Variants in NLRP6 observed in about 807,000 individuals in gnomAD.
NLRP6 encodes the protein NLR family pyrin domain containing 6.
Under a neutral mutation model 70.9 loss-of-function variants are expected in NLRP6, and 55 were observed. The ratio of observed to expected loss-of-function variants is 0.78; its 90% CI spans 0.62 to 0.97. The LOEUF is 0.97. Among genes scored for constraint, NLRP6 ranks in the 50% least tolerant of loss-of-function variants. The probability of loss-of-function intolerance (pLI) is 0.00; values close to 1 mark genes in which losing one functional copy is unlikely to be tolerated. For synonymous variants in NLRP6, 652 were observed against 581.9 expected (o/e 1.12, Z -1.73); for missense variants, 1,241 against 1,238.3 (o/e 1.00, Z -0.03).
chr11:282,859 G>GT, intron 5 of NLRP6, 62 bp downstream of exon 5: 1 of 1,214,632 alleles, frequency 8.2e-7, no homozygotes, highest in Non-Finnish European at 1.2e-6. Flanking sequence ...GCCCTGGGCA[G>GT]AGACGGAAGT....
At position 282,789 on chromosome 11, in the gene NLRP6, C is replaced by T; in HGVS notation, c.2190C>T (p.Ser730=). 1 of 1,611,708 alleles carries T rather than the reference C, an allele frequency of 6.2e-7. No homozygotes were observed. Among genetic ancestry groups the T allele is most frequent in the Non-Finnish European group, 8.5e-7 (1 of 1,177,850 alleles). The change falls in exon 5 of 8, where the codon AGC becomes AGT. Residue 730 remains serine (S), a synonymous_variant. Transcript: ENST00000534750. ...QAMTDPLCHL[S]SLTLSHCKLP... is the part of the protein sequence containing the mutation. ...TGACTGACCCACTGTGCCATCTGAG[C>T]AGCCTCACGTGAGTGGCCACACCCC...
intron 5 of NLRP6, among the ~76,000 whole-genome samples, chr11:283,290 T>C (rs924818597): frequency 6.6e-6 from 1 of 150,696 alleles, no homozygotes; most frequent in Non-Finnish European, 1.5e-5. Context: ...TGAGATTTAA[T>C]GTGGCTACAC....
At position 280,581 on chromosome 11, in the gene NLRP6, G is replaced by A; in HGVS notation, c.847G>A (p.Glu283Lys). 6.9e-7 allele frequency: 1 copy of A among 1,459,212 alleles called. No homozygotes were observed. Among genetic ancestry groups the A allele is most frequent in the Non-Finnish European group, 8.9e-7 (1 of 1,119,328 alleles). 90.4% of individuals were successfully genotyped at this position (1,459,212 alleles called of 1,614,324 possible). Reference sequence around the variant, plus strand: ...GCTCTTCATCCTGGACGGCGCGGACGAGCTGCCGGCGCTGGGGGGCCCCGA... The same window carrying A: ...GCTCTTCATCCTGGACGGCGCGGACAAGCTGCCGGCGCTGGGGGGCCCCGA... The part of the protein sequence containing the change: ...RLLFILDGAD[E>K]LPALGGPEAA... The change falls in exon 4 of 8, where the codon GAG becomes AAG. Residue 283 changes from glutamate (E) to lysine (K), a missense_variant. Physicochemically the swap from Glu to Lys is moderately conservative, Grantham distance 56 (BLOSUM62 1). Transcript: ENST00000534750.
Position 280,469 on chromosome 11 carries a change from C to A in NLRP6, c.735C>A (p.Gly245=). The change falls in exon 4 of 8, where the codon GGC becomes GGA. Residue 245 remains glycine (G), a synonymous_variant. Transcript: ENST00000534750. ...GCGGCGAGCTGCTGGAGAGGCCGGG[C>A]ACGCGCAGCCTGGCTGACCTGATCC... ...MPCGELLERP[G]TRSLADLILD... The A allele has an allele frequency of 6.9e-6, 11 of 1,591,880 alleles. No individual in the cohort carries two copies. Among genetic ancestry groups the A allele is most frequent in the Non-Finnish European group, 8.5e-6 (10 of 1,177,584 alleles).
At position 280,685 on chromosome 11, in the gene NLRP6, G is replaced by GTATT; in HGVS notation, c.951_952insTATT (p.Pro318TyrfsTer49). 1 of 1,561,574 alleles carries GTATT rather than the reference G, an allele frequency of 6.4e-7. No homozygotes were observed. The highest frequency in any genetic ancestry group is 8.6e-7 in the Non-Finnish European group (1 of 1,158,278). Reference sequence around the variant, plus strand: ...GCGGGCTGCTGAGCAAGGCGCTGCTGCCCACGGCCCTCCTGCTGGTGACCA... The same window carrying GTATT: ...GCGGGCTGCTGAGCAAGGCGCTGCTGTATTCCCACGGCCCTCCTGCTGGTGACCA... On this transcript the variant is annotated frameshift_variant, in exon 4 of 8. Transcript: ENST00000534750. LOFTEE classifies it high-confidence loss of function.
Position 279,492 on chromosome 11 carries a change from G to A in NLRP6, c.195G>A (p.Ala65=), listed in dbSNP as rs1041968439. The A allele has an allele frequency of 1.0e-5, 15 of 1,447,676 alleles. No individual in the cohort carries two copies. Among genetic ancestry groups the A allele is most frequent in the South Asian group, 5.5e-5 (4 of 73,210 alleles). 89.7% of individuals were successfully genotyped at this position (1,447,676 alleles called of 1,614,324 possible). A position where few individuals can be genotyped will look rare whatever the true frequency, so the allele number is the denominator to read the frequency against. The change falls in exon 2 of 8, where the codon GCG becomes GCA. Residue 65 remains alanine, a synonymous_variant. Transcript: ENST00000534750. The part of the protein sequence containing the change: ...RLERADAVDL[A]EQLAQFYGPE... ...AGCGCGCGGACGCCGTGGACCTCGC[G>A]GAGCAGCTGGCCCAGTTCTACGGCC...
Position 285,339 on chromosome 11 carries a change from G to A in NLRP6, c.*35G>A. 1 of 1,597,480 alleles carries A rather than the reference G, an allele frequency of 6.3e-7. No individual in the cohort carries two copies. Among genetic ancestry groups the A allele is most frequent in the Non-Finnish European group, 8.5e-7 (1 of 1,170,436 alleles). The stretch of plus-strand genomic sequence containing the variant: ...GGCCAGAGCAGGGTGGAAGACCCTA[G>A]TCAAAGTCCCTGTGGAGAGAACGGC... On this transcript the variant is annotated 3_prime_UTR_variant, in exon 8 of 8. Transcript: ENST00000534750.
At position 280,785 on chromosome 11, in the gene NLRP6, G is replaced by C. The variant is rs757568239; in HGVS notation, c.1051G>C (p.Asp351His). Residue 351 changes from aspartate (D) to histidine (H), a missense_variant, in exon 4 of 8, where the codon GAC (aspartate) becomes CAC (histidine). Asp to His is a moderately conservative substitution (Grantham distance 81). Transcript: ENST00000534750. Reference sequence around the variant, plus strand: ...GTGCGCCGAGGTGCGCGGCTTCTCCGACAAGGACAAGAAGAAGTATTTCTA... The same window carrying C: ...GTGCGCCGAGGTGCGCGGCTTCTCCCACAAGGACAAGAAGAAGTATTTCTA... ...PQCAEVRGFS[D>H]KDKKKYFYKY... is the part of the protein sequence containing the mutation. 7.4e-6 allele frequency: 12 copies of C among 1,612,300 alleles called. No homozygotes were observed. Among genetic ancestry groups the C allele is most frequent in the Non-Finnish European group, 1.0e-5 (12 of 1,179,660 alleles).
Position 278,622 on chromosome 11 carries a change from C to T in NLRP6, c.29+24C>T, listed in dbSNP as rs1443737818. 8.9e-6 allele frequency: 14 copies of T among 1,571,386 alleles called. No homozygotes were observed. The highest frequency in any genetic ancestry group is 1.2e-5 in the Non-Finnish European group (14 of 1,159,978). On this transcript the variant is annotated intron_variant, in intron 1 of 7. Transcript: ENST00000534750. The surrounding 1 kb of genome is among the most constrained non-coding windows in gnomAD (Gnocchi z 4.7). Reference sequence around the variant, plus strand: ...AGGTGAGTGCTGGCCCCAGGGTGGTCACTGGGAACCGGCTGGTCTCAGCCC... The same window carrying T: ...AGGTGAGTGCTGGCCCCAGGGTGGTTACTGGGAACCGGCTGGTCTCAGCCC...
Position 279,899 on chromosome 11 carries a change from G to C in NLRP6, c.349+27G>C, listed in dbSNP as rs376884942. 15 of 1,510,906 alleles carry C rather than the reference G, an allele frequency of 9.9e-6. No individual in the cohort carries two copies. In the African/African-American group the frequency reaches 2.2e-4, roughly 22 times the overall value. The allele number at this position is 1,510,906 out of a possible 1,614,324, so 93.6% of individuals were successfully genotyped here. ...TGGGTCTCTCGCTGGGGGGGCACGA[G>C]TGTCCCCAACCCCACTTGGAGGGTC... On this transcript the variant is annotated intron_variant, in intron 3 of 7. Transcript: ENST00000534750.
rs1230399848 is a variant in NLRP6, at chr11:279,178, C to T, written c.30-149C>T. ...AAAGTCTGGGGTCACTCCCCGTTGC[C>T]CCCTCCCGCCACCCCATGGATCCAG... is the stretch of plus-strand genomic sequence containing the variant. On this transcript the variant is annotated intron_variant, in intron 1 of 7. Transcript: ENST00000534750. 4.5e-6 allele frequency: 3 copies of T among 665,814 alleles called. No individual in the cohort carries two copies. In the African/African-American group the frequency reaches 5.6e-5, roughly 12 times the overall value. 41.2% of individuals were successfully genotyped at this position (665,814 alleles called of 1,614,324 possible).
intron 3 of NLRP6, 86 bp downstream of exon 3, chr11:279,958 G>A: frequency 7.0e-7 from 1 of 1,425,650 alleles, no homozygotes; most frequent in South Asian, 1.5e-5. Context: ...GCCGCCAGGG[G>A]CGTGGGCTGT....
chr11:285,048 C>T (rs944514359), intron 7 of NLRP6, 118 bp from the exon 8 acceptor site: 3 of 820,564 alleles, frequency 3.7e-6, no homozygotes, highest in Non-Finnish European at 5.7e-6. Flanking sequence ...GCAGCCCGGC[C>T]ACCCCCACGG....
chr11:282,625 G>T, intron 4 of NLRP6, 80 bp from the exon 5 acceptor site: 1 of 1,106,010 alleles, frequency 9.0e-7, no homozygotes, highest in South Asian at 1.2e-5. Flanking sequence ...GAGACCCCAG[G>T]ACTACAGATA....
chr11:279,521 A>G lies in NLRP6; in HGVS notation c.224A>G (p.Glu75Gly), dbSNP rs2134006602. 2 of 1,456,938 alleles carry G rather than the reference A, an allele frequency of 1.4e-6. No individual in the cohort carries two copies. The highest frequency in any genetic ancestry group is 2.6e-5 in the Admixed American group (1 of 37,890). 90.3% of individuals were successfully genotyped at this position (1,456,938 alleles called of 1,614,324 possible). A position where few individuals can be genotyped will look rare whatever the true frequency, so the allele number is the denominator to read the frequency against. The change falls in exon 2 of 8, where the codon GAG becomes GGG. Residue 75 changes from glutamate (E) to glycine (G), a missense_variant. Coordinates refer to ENST00000534750, the MANE Select transcript of NLRP6 (RefSeq NM_001276700.2). ...AEQLAQFYGPEPALEVARKTL... is the reference protein window; with the variant it reads ...AEQLAQFYGPGPALEVARKTL... The stretch of plus-strand genomic sequence containing the variant: ...CAGCTGGCCCAGTTCTACGGCCCGG[A>G]GCCTGCCCTGGAGGTGGCCCGCAAG...
In NLRP6 at chr11:280,673, C is replaced by T. The variant is rs12807092; in HGVS notation, c.939C>T (p.Ser313=). The T allele has an allele frequency of 0.76, 1,174,771 of 1,549,704 alleles. 463,177 individuals are homozygous for T. Among genetic ancestry groups the T allele is most frequent in the Non-Finnish European group, 0.82 (945,616 of 1,153,292 alleles). Residue 313 remains serine (S), a synonymous_variant, in exon 4 of 8, where the codon AGC becomes AGT. Transcript: ENST00000534750. ...CGCGGGTGCTAGGCGGGCTGCTGAGCAAGGCGCTGCTGCCCACGGCCCTCC... is the reference window on the plus strand; with the variant it reads ...CGCGGGTGCTAGGCGGGCTGCTGAGTAAGGCGCTGCTGCCCACGGCCCTCC... ...SGARVLGGLL[S]KALLPTALLL... is the part of the protein sequence containing the mutation.
At position 278,706 on chromosome 11, in the gene NLRP6, TTCCCCCACCCTCAC is replaced by T; in HGVS notation, c.29+113_29+126del. On this transcript the variant is annotated intron_variant, in intron 1 of 7. Coordinates refer to ENST00000534750, the MANE Select transcript of NLRP6 (RefSeq NM_001276700.2). The surrounding 1 kb of genome is among the most constrained non-coding windows in gnomAD (Gnocchi z 4.7). ...AGGCTCTCCACCCTTGTCCACATCCTTCCCCCACCCTCACTCCCAGGCTCAGGAGCCAAGCACTG... is the reference window on the plus strand; with the variant it reads ...AGGCTCTCCACCCTTGTCCACATCCTTCCCAGGCTCAGGAGCCAAGCACTG... 1.3e-6 allele frequency: 1 copy of T among 787,680 alleles called. No homozygotes were observed. Among genetic ancestry groups the T allele is most frequent in the Non-Finnish European group, 1.9e-6 (1 of 513,830 alleles). The allele number at this position is 787,680 out of a possible 1,614,324, so 48.8% of individuals were successfully genotyped here.
intron 4 of NLRP6, 86 bp downstream of exon 4, chr11:281,925 G>T: frequency 7.8e-7 from 1 of 1,289,848 alleles, no homozygotes; most frequent in Non-Finnish European, 1.1e-6. Context: ...CATCTGGCAT[G>T]GGGCGCACCT....
In NLRP6 at chr11:280,689, A is replaced by G. The variant is rs2134007917; in HGVS notation, c.955A>G (p.Thr319Ala). Residue 319 changes from threonine to alanine, a missense_variant, in exon 4 of 8, where the codon ACG becomes GCG. Physicochemically the swap from Thr to Ala is moderately conservative, Grantham distance 58 (BLOSUM62 0). Transcript: ENST00000534750. ...GCTGCTGAGCAAGGCGCTGCTGCCC[A>G]CGGCCCTCCTGCTGGTGACCACGCG... is the stretch of plus-strand genomic sequence containing the variant. ...GGLLSKALLP[T>A]ALLLVTTRAA... The G allele has an allele frequency of 1.3e-6, 2 of 1,564,058 alleles. No individual in the cohort carries two copies. Among genetic ancestry groups the G allele is most frequent in the East Asian group, 4.5e-5 (2 of 44,102 alleles).
Sources: allele counts gnomAD v4.1 joint callset (sites outside exome capture counted in the v4.1 genomes callset), GRCh38; gene constraint gnomAD v4.1.1; non-coding constraint Gnocchi (gnomAD v3.1); transcripts MANE v1.5; gene names NCBI Gene and HGNC (gene_info 2026-07-23, HGNC 2026-07-21).